The following IFIT2 variants were observed in gnomAD, a reference collection of about 807,000 sequenced individuals.
IFIT2 encodes interferon-induced protein with tetratricopeptide repeats 2.
IFIT2 carries 3 observed loss-of-function variants against 2.5 expected under a neutral mutation model. The ratio of observed to expected loss-of-function variants is 1.21; its 90% CI spans 0.55 to 3.14. IFIT2 has a LOEUF of 3.14. Among genes scored for constraint, IFIT2 ranks in the 30% most tolerant of loss-of-function variants. The probability of loss-of-function intolerance (pLI) is 0.03; values close to 1 mark genes in which losing one functional copy is unlikely to be tolerated. For missense variants in IFIT2, 493 were observed against 558.9 expected, an observed-to-expected ratio of 0.88 and a Z score of 1.19; for synonymous variants, 212 against 200.7, an observed-to-expected ratio of 1.06 and a Z score of -0.48.
Position 89,307,111 on chromosome 10 carries a change from G to C in IFIT2, c.1155G>C (p.Met385Ile), listed in dbSNP as rs1054617659. The C allele has an allele frequency of 6.2e-7, 1 of 1,614,062 alleles. No individual in the cohort carries two copies. The highest frequency in any genetic ancestry group is 8.5e-7 in the Non-Finnish European group (1 of 1,179,964). The stretch of plus-strand genomic sequence containing the variant: ...ATGGCAACTTTCAGCTGTACCAAAT[G>C]AAGTGTGAAGACAAGGCCATCCACC... ...LRYGNFQLYQ[M>I]KCEDKAIHHF... The change falls in exon 2 of 2, where the codon ATG (methionine) becomes ATC (isoleucine). Residue 385 changes from methionine to isoleucine, a missense_variant. Transcript: ENST00000371826.
rs1589596069 is a variant in IFIT2 at position 89,306,868 on chromosome 10, T to C, written c.912T>C (p.Asn304=). The change falls in exon 2 of 2, where the codon AAT becomes AAC. Residue 304 remains asparagine, a synonymous_variant. Coordinates refer to ENST00000371826, the MANE Select transcript of IFIT2 (RefSeq NM_001547.5). ...TCCAAGTAATGAATCTAAGAGAGAA[T>C]GGAATGTATGGGAAAAGAAAGTTAC... ...KVFQVMNLRE[N]GMYGKRKLLE... 1.2e-6 allele frequency: 2 copies of C among 1,614,040 alleles called. No individual in the cohort carries two copies. The highest frequency in any genetic ancestry group is 4.5e-5 in the East Asian group (2 of 44,874).
Position 89,307,106 on chromosome 10 carries a change from C to A in IFIT2, c.1150C>A (p.Gln384Lys), listed in dbSNP as rs1362004756. ...HLRYGNFQLYQMKCEDKAIHH... is the reference protein window; with the variant it reads ...HLRYGNFQLYKMKCEDKAIHH... ...GCGGTATGGCAACTTTCAGCTGTAC[C>A]AAATGAAGTGTGAAGACAAGGCCAT... The change falls in exon 2 of 2, where the codon CAA (glutamine) becomes AAA (lysine). Residue 384 changes from glutamine to lysine, a missense_variant. Transcript: ENST00000371826. 1 of 1,613,910 alleles carries A rather than the reference C, an allele frequency of 6.2e-7. No homozygotes were observed. Among genetic ancestry groups the A allele is most frequent in the Admixed American group, 1.7e-5 (1 of 60,000 alleles).
In IFIT2 at chr10:89,306,289, A is replaced by T. The variant is rs1321557668; in HGVS notation, c.333A>T (p.Ser111=). Residue 111 remains serine, a synonymous_variant, in exon 2 of 2, where the codon TCA becomes TCT. Transcript: ENST00000371826. Reference sequence around the variant, plus strand: ...TCTACTATCACATGGGCCGACTCTCAGACGTTCAGATTTATGTAGACAAGG... The same window carrying T: ...TCTACTATCACATGGGCCGACTCTCTGACGTTCAGATTTATGTAGACAAGG... ...AWVYYHMGRL[S]DVQIYVDKVK... 6.2e-7 allele frequency: 1 copy of T among 1,613,970 alleles called. No homozygotes were observed. The highest frequency in any genetic ancestry group is 1.3e-5 in the African/African-American group (1 of 74,922).
chr10:89,303,842 G>A (rs915452623), intron 1 of IFIT2, among the ~76,000 whole-genome samples: 1 of 152,208 alleles, frequency 6.6e-6, no homozygotes, highest in Non-Finnish European at 1.5e-5. Flanking sequence ...GCTATAGTGA[G>A]TCTTCAGGTG....
intron 1 of IFIT2, among the ~76,000 whole-genome samples, chr10:89,304,268 C>T (rs545102308): frequency 2.8e-5 from 4 of 144,124 alleles, no homozygotes; most frequent in African/African-American, 8.4e-5. Flanking sequence ...ACCCCAGGTG[C>T]GGGAGCCCCG....
rs572876859 is a variant in IFIT2 at position 89,308,636 on chromosome 10, A to G, written c.*1261A>G. 20 of 152,334 alleles carry G rather than the reference A, an allele frequency of 1.3e-4. No individual in the cohort carries two copies. Among genetic ancestry groups the G allele is most frequent in the African/African-American group, 4.6e-4 (19 of 41,580 alleles). 9.4% of individuals were successfully genotyped at this position (152,334 alleles called of 1,614,324 possible). On this transcript the variant is annotated 3_prime_UTR_variant, in exon 2 of 2. Transcript: ENST00000371826. ...TCAAAGTTGGTGTGAACCAAAATAG[A>G]GTCAGCTGACCCAGCATCAGCCACA...
Position 89,307,650 on chromosome 10 carries a change from C to T in IFIT2, c.*275C>T, listed in dbSNP as rs1336341852. On this transcript the variant is annotated 3_prime_UTR_variant, in exon 2 of 2. Coordinates refer to ENST00000371826, the MANE Select transcript of IFIT2 (RefSeq NM_001547.5). Reference sequence around the variant, plus strand: ...TTCTTGAGTGCAATTTGAACTGTAACATTTGCTTAGTCACCTTTAGTGGAG... The same window carrying T: ...TTCTTGAGTGCAATTTGAACTGTAATATTTGCTTAGTCACCTTTAGTGGAG... The T allele has an allele frequency of 2.2e-5, 7 of 324,468 alleles. No homozygotes were observed. The highest frequency in any genetic ancestry group is 4.0e-5 in the Non-Finnish European group (7 of 174,762). The allele number at this position is 324,468 out of a possible 1,614,324, so 20.1% of individuals were successfully genotyped here.
In IFIT2 at chr10:89,306,704, C is replaced by A. The variant is rs1262776142; in HGVS notation, c.748C>A (p.Leu250Ile). 6.2e-7 allele frequency: 1 copy of A among 1,614,012 alleles called. No homozygotes were observed. The highest frequency in any genetic ancestry group is 1.3e-5 in the African/African-American group (1 of 74,912). The change falls in exon 2 of 2, where the codon CTT (leucine) becomes ATT (isoleucine). Residue 250 changes from leucine to isoleucine, a missense_variant. Coordinates refer to ENST00000371826, the MANE Select transcript of IFIT2 (RefSeq NM_001547.5). ...LEKAPGVTDV[L>I]RSAAKFYRRK... Reference sequence around the variant, plus strand: ...GAAAGCCCCAGGTGTAACAGATGTTCTTCGCAGTGCAGCCAAGTTTTATCG... The same window carrying A: ...GAAAGCCCCAGGTGTAACAGATGTTATTCGCAGTGCAGCCAAGTTTTATCG...
intron 1 of IFIT2, 25 bp downstream of exon 1, chr10:89,302,153 G>T: frequency 6.2e-7 from 1 of 1,613,404 alleles, no homozygotes; most frequent in Non-Finnish European, 8.5e-7. Flanking sequence ...TTCGTATTCG[G>T]TAGTGCTGTT....
At chr10:89,304,309 T>C (rs1843464199) in intron 1 of IFIT2, among the ~76,000 whole-genome samples, 1 of 152,142 alleles carries the variant, frequency 6.6e-6, no homozygotes, top group Non-Finnish European at 1.5e-5. Context: ...TCAGGCATCC[T>C]AATGGCAGAT....
chr10:89,306,035 G>A lies in IFIT2; in HGVS notation c.79G>A (p.Gly27Arg). ...CCATTTCACCTGGAACTTGATGGAG[G>A]GAGAAAACTCCTTGGATGATTTTGA... ...KCHFTWNLME[G>R]ENSLDDFEDK... is the part of the protein sequence containing the mutation. Residue 27 changes from glycine (G) to arginine (R), a missense_variant, in exon 2 of 2, where the codon GGA becomes AGA. Physicochemically the swap from Gly to Arg is moderately radical, Grantham distance 125 (BLOSUM62 -2). Coordinates refer to ENST00000371826, the MANE Select transcript of IFIT2 (RefSeq NM_001547.5). 1 of 1,614,020 alleles carries A rather than the reference G, an allele frequency of 6.2e-7. No individual in the cohort carries two copies. Among genetic ancestry groups the A allele is most frequent in the Non-Finnish European group, 8.5e-7 (1 of 1,179,918 alleles).
At chr10:89,305,421 A>C (rs1843472030) in intron 1 of IFIT2, among the ~76,000 whole-genome samples, 1 of 152,218 alleles carries the variant, frequency 6.6e-6, no homozygotes, top group Non-Finnish European at 1.5e-5. Flanking sequence ...AGATTTCTTT[A>C]AAGGCAAATG....
Position 89,307,462 on chromosome 10 carries a change from T to C in IFIT2, c.*87T>C. 9.3e-7 allele frequency: 1 copy of C among 1,070,146 alleles called. No homozygotes were observed. The highest frequency in any genetic ancestry group is 1.4e-6 in the Non-Finnish European group (1 of 734,148). The allele number at this position is 1,070,146 out of a possible 1,614,324, so 66.3% of individuals were successfully genotyped here. On this transcript the variant is annotated 3_prime_UTR_variant, in exon 2 of 2. Transcript: ENST00000371826. Reference sequence around the variant, plus strand: ...GTTGGTATTCAAAATATGTAATGACTGGTATGGCAAAAGATTGGACTAAGA... The same window carrying C: ...GTTGGTATTCAAAATATGTAATGACCGGTATGGCAAAAGATTGGACTAAGA...
Position 89,306,256 on chromosome 10 carries a change from T to G in IFIT2, c.300T>G (p.Tyr100Ter). 2 of 1,614,174 alleles carry G rather than the reference T, an allele frequency of 1.2e-6. No individual in the cohort carries two copies. Among genetic ancestry groups the G allele is most frequent in the Non-Finnish European group, 1.7e-6 (2 of 1,180,016 alleles). Residue 100 changes from tyrosine to a stop codon, truncating the protein, a stop_gained, in exon 2 of 2, where the codon TAT (tyrosine) becomes TAG (stop). Transcript: ENST00000371826. LOFTEE classifies it low-confidence loss of function (END_TRUNC). The stretch of plus-strand genomic sequence containing the variant: ...GAAGTCTGGTCACCTGGGGAAACTA[T>G]GCCTGGGTCTACTATCACATGGGCC... ...EIRSLVTWGN[Y>*]AWVYYHMGRL... is the part of the protein sequence containing the mutation.
chr10:89,302,883 G>A (rs1843454315), intron 1 of IFIT2, among the ~76,000 whole-genome samples: 1 of 152,038 alleles, frequency 6.6e-6, no homozygotes, highest in South Asian at 2.1e-4. Flanking sequence ...GGGAGCTCTG[G>A]AATCCCGTGT....
At chr10:89,302,414 T>C (rs987608051) in intron 1 of IFIT2, among the ~76,000 whole-genome samples, 1 of 152,186 alleles carries the variant, frequency 6.6e-6, no homozygotes, top group Non-Finnish European at 1.5e-5. Context: ...AGAGGGATGA[T>C]GTTTCATCGG....
Position 89,305,873 on chromosome 10 carries a change from T to C in IFIT2, c.6-89T>C, listed in dbSNP as rs144123386. The C allele has an allele frequency of 1.3e-4, 109 of 870,900 alleles. No individual in the cohort carries two copies. The African/African-American group carries it at 1.5e-3, about 12-fold the overall frequency. The allele number at this position is 870,900 out of a possible 1,614,324, so 53.9% of individuals were successfully genotyped here. ...TTCTTTGATTTGTGTTAACAGCCTT[T>C]AGGAGGAGGAGCATTTTATTTGCCA... is the stretch of plus-strand genomic sequence containing the variant. On this transcript the variant is annotated intron_variant, in intron 1 of 1. Transcript: ENST00000371826.
intron 1 of IFIT2, among the ~76,000 whole-genome samples, chr10:89,303,794 A>G (rs951805976): frequency 2.6e-5 from 4 of 152,242 alleles, no homozygotes; most frequent in Non-Finnish European, 5.9e-5. Context: ...CCCAAACTCA[A>G]CTGGAAGTTG....
intron 1 of IFIT2, 32 bp from the exon 2 acceptor site, chr10:89,305,930 C>A: frequency 6.7e-7 from 1 of 1,487,606 alleles, no homozygotes; most frequent in Non-Finnish European, 9.3e-7. Flanking sequence ...AAATCTGTGT[C>A]TCAAAGTCCA....
Sources: allele counts gnomAD v4.1 joint callset (sites outside exome capture counted in the v4.1 genomes callset), GRCh38; gene constraint gnomAD v4.1.1; transcripts MANE v1.5; gene names NCBI Gene and HGNC (gene_info 2026-07-23, HGNC 2026-07-21).